Variants in MGAT4C observed in about 807,000 individuals in gnomAD.
MGAT4C encodes alpha-1,3-mannosyl-glycoprotein 4-beta-N-acetylglucosaminyltransferase C.
MGAT4C carries 19 observed loss-of-function variants against 40.1 expected under a neutral mutation model. The observed-to-expected ratio is 0.47, with a 90% CI of 0.33 to 0.70. The LOEUF (loss-of-function observed/expected upper bound fraction) is 0.70, where lower values mean the gene tolerates loss of function less well. Ranked by LOEUF, MGAT4C falls within the 30% of genes least tolerant of loss-of-function variation. MGAT4C has a pLI of 0.02. For synonymous variants in MGAT4C, 181 were observed against 187.1 expected, an observed-to-expected ratio of 0.97 and a Z score of 0.27; for missense variants, 491 against 563.2, an observed-to-expected ratio of 0.87 and a Z score of 1.30.
At chr12:86,829,848 A>G (rs2136234804) in intron 1 of MGAT4C, among the ~76,000 whole-genome samples, 1 of 150,050 alleles carries the variant, frequency 6.7e-6, no homozygotes, top group African/African-American at 2.4e-5. Context: ...TGACTATTTT[A>G]TTTGTTTTTC....
intron 1 of MGAT4C, among the ~76,000 whole-genome samples, chr12:86,216,246 T>C (rs1453127440): frequency 2.0e-5 from 3 of 152,076 alleles, no homozygotes; most frequent in African/African-American, 7.2e-5. Context: ...TGAGGTGAGG[T>C]GCCTTAGAAA....
chr12:86,777,207 G>A (rs1056128572), intron 1 of MGAT4C, among the ~76,000 whole-genome samples: 2 of 152,044 alleles, frequency 1.3e-5, no homozygotes, highest in East Asian at 3.8e-4. Context: ...ACAACATGAT[G>A]TTTTGAAGTA....
Position 86,698,506 on chromosome 12 carries a change from A to T in MGAT4C, c.-229+28703T>A, listed in dbSNP as rs144551052. Among the ~76,000 whole-genome samples, 127 of 152,242 alleles carry T rather than the reference A, an allele frequency of 8.3e-4. 2 individuals carry two copies. In the East Asian group the frequency reaches 0.022, roughly 26 times the overall value. ...CATCTCTAATGTTGGAGGGCAGGCA[A>T]TGTAATGCAATCTCTTTACATGACA... is the stretch of plus-strand genomic sequence containing the variant. On this transcript the variant is annotated intron_variant, in intron 2 of 7. Transcript: ENST00000548651.
At chr12:86,803,821 C>T (rs1026263020) in intron 1 of MGAT4C, among the ~76,000 whole-genome samples, 1 of 150,686 alleles carries the variant, frequency 6.6e-6, no homozygotes, top group African/African-American at 2.4e-5. Context: ...GTTGGTGGGA[C>T]TGTAAACTAG....
In MGAT4C at chr12:86,263,526, A is replaced by G. The variant is rs145117384; in HGVS notation, c.-57+70539T>C. Among the ~76,000 whole-genome samples the G allele has an allele frequency of 3.0e-3, 456 of 152,286 alleles. 2 individuals carry two copies. Among genetic ancestry groups the G allele is most frequent in the African/African-American group, 0.01 (435 of 41,568 alleles). On this transcript the variant is annotated intron_variant, in intron 4 of 7. Coordinates refer to the MGAT4C transcript ENST00000548651. ...CATAATTTCATATTTTTTTGGCTGA[A>G]TAGTACTCCATTGTGTATATATGCC... is the stretch of plus-strand genomic sequence containing the variant.
chr12:86,280,169 T>C (rs980313094), intron 4 of MGAT4C, among the ~76,000 whole-genome samples: 1 of 152,068 alleles, frequency 6.6e-6, no homozygotes, highest in Non-Finnish European at 1.5e-5. Flanking sequence ...TGGTCTATAG[T>C]GCAGATTAAG....
chr12:86,459,770 G>A (rs926735611), intron 2 of MGAT4C, among the ~76,000 whole-genome samples: 7 of 144,996 alleles, frequency 4.8e-5, no homozygotes, highest in Non-Finnish European at 7.5e-5. Context: ...TGAGTTAAGG[G>A]GAAGTATCCA....
rs934163513 is a variant in MGAT4C at position 86,275,596 on chromosome 12, G to C, written c.-57+58469C>G. Among the ~76,000 whole-genome samples, 15 of 152,144 alleles carry C rather than the reference G, an allele frequency of 9.9e-5. 1 individual carries two copies. Among genetic ancestry groups the C allele is most frequent in the African/African-American group, 3.6e-4 (15 of 41,422 alleles). On this transcript the variant is annotated intron_variant, in intron 4 of 7. Transcript: ENST00000548651. Reference sequence around the variant, plus strand: ...AGATTATACAAATTGATCCAATGTAGTGACAAACGTGTTGATAAGAGGGAT... The same window carrying C: ...AGATTATACAAATTGATCCAATGTACTGACAAACGTGTTGATAAGAGGGAT...
At chr12:86,319,325 A>G (rs1393904981) in intron 4 of MGAT4C, among the ~76,000 whole-genome samples, 1 of 152,166 alleles carries the variant, frequency 6.6e-6, no homozygotes, top group Admixed American at 6.6e-5. Flanking sequence ...GTGATCTCAG[A>G]CTGCTTCTTT....
chr12:86,297,405 T>C (rs1953708184), intron 4 of MGAT4C, among the ~76,000 whole-genome samples: 1 of 152,166 alleles, frequency 6.6e-6, no homozygotes, highest in Non-Finnish European at 1.5e-5. Flanking sequence ...TTACACAAAA[T>C]GTTACTAAAA....
chr12:86,431,513 A>T (rs1295227096), intron 3 of MGAT4C, among the ~76,000 whole-genome samples: 1 of 152,164 alleles, frequency 6.6e-6, no homozygotes, highest in African/African-American at 2.4e-5. Context: ...TCCATTTACA[A>T]CGGTGTTATT....
At chr12:86,326,296 T>TCACACACACA (rs3047013) in intron 4 of MGAT4C, among the ~76,000 whole-genome samples, 27 of 140,842 alleles carry the variant, frequency 1.9e-4, no homozygotes, top group African/African-American at 5.1e-4. Context: ...AGTATTCTCA[T>TCACACACACA]CACACACACA....
At chr12:85,994,115 G>A (rs567999246) in intron 2 of MGAT4C, among the ~76,000 whole-genome samples, 21 of 152,326 alleles carry the variant, frequency 1.4e-4, no homozygotes, top group African/African-American at 4.3e-4. Flanking sequence ...AGCCACTCTT[G>A]ATGGGCCACT....
rs565002880 is a variant in MGAT4C, at chr12:86,199,850, TA to T, written c.-57+56388del. 3.2e-3 allele frequency among the ~76,000 whole-genome samples: 489 copies of T among 152,260 alleles called. 2 individuals are homozygous for T. The highest frequency in any genetic ancestry group is 0.011 in the African/African-American group (454 of 41,560). On this transcript the variant is annotated intron_variant, in intron 1 of 4. Coordinates refer to ENST00000611864, the MANE Select transcript of MGAT4C (RefSeq NM_001351288.2). ...TCATCTTCTAAAACTTGCCAATGAA[TA>T]TTTTATACAATGTTTATAAATTAAT...
At chr12:86,444,584 CCATAT>C (rs1227481794) in intron 2 of MGAT4C, among the ~76,000 whole-genome samples, 2 of 152,140 alleles carry the variant, frequency 1.3e-5, no homozygotes, top group African/African-American at 4.8e-5. Flanking sequence ...ATTGACTCTA[CCATAT>C]CGTTGCAAAT....
At chr12:86,490,746 A>C (rs1176353962) in intron 2 of MGAT4C, among the ~76,000 whole-genome samples, 1 of 152,170 alleles carries the variant, frequency 6.6e-6, no homozygotes, top group East Asian at 1.9e-4. Context: ...AACAAAAAAA[A>C]GGCAGGGTTT....
At chr12:86,436,596 A>G (rs889822085) in intron 2 of MGAT4C, among the ~76,000 whole-genome samples, 3 of 151,812 alleles carry the variant, frequency 2.0e-5, no homozygotes, top group Middle Eastern at 3.2e-3. Flanking sequence ...TTATAGTTAT[A>G]TCATGATATA....
At chr12:86,298,245 A>G (rs945312547) in intron 4 of MGAT4C, among the ~76,000 whole-genome samples, 2 of 152,136 alleles carry the variant, frequency 1.3e-5, no homozygotes, top group Non-Finnish European at 2.9e-5. Flanking sequence ...TGGTTAATAA[A>G]CATAAAATAT....
At chr12:86,348,330 T>A (rs372213649) in intron 3 of MGAT4C, among the ~76,000 whole-genome samples, 6 of 152,296 alleles carry the variant, frequency 3.9e-5, no homozygotes, top group East Asian at 1.9e-4. Context: ...ATTTTTCTTT[T>A]TAAGATATTC....
Sources: allele counts gnomAD v4.1 joint callset (sites outside exome capture counted in the v4.1 genomes callset), GRCh38; gene constraint gnomAD v4.1.1; transcripts MANE v1.5; gene names NCBI Gene and HGNC (gene_info 2026-07-23, HGNC 2026-07-21).